Variants in CENPW observed in about 807,000 individuals in gnomAD.
CENPW encodes the protein centromere protein W.
A neutral mutation model predicts 11.1 loss-of-function variants in CENPW; 3 were observed. The observed-to-expected ratio is 0.27, with a 90% CI of 0.12 to 0.70. The LOEUF (loss-of-function observed/expected upper bound fraction) is 0.70. CENPW is among the 30% of genes least tolerant of loss of function. CENPW has a pLI of 0.77. For synonymous variants in CENPW, 38 were observed against 42.0 expected (o/e 0.91, Z 0.37); for missense variants, 100 against 105.6 (o/e 0.95, Z 0.23).
downstream of CENPW, among the ~76,000 whole-genome samples, chr6:126,352,087 G>GAACAACT (rs1418724076): frequency 6.6e-6 from 1 of 152,088 alleles, no homozygotes; most frequent in Admixed American, 6.6e-5. Context: ...TTGCCATCCA[G>GAACAACT]GGGCCATGCT....
At chr6:126,462,566 T>C in the CENPW span, among the ~76,000 whole-genome samples, 1 of 149,552 alleles carries the variant, frequency 6.7e-6, no homozygotes, top group Non-Finnish European at 1.5e-5. Flanking sequence ...ACACGCATCT[T>C]CTCTTACTCT....
the CENPW span, among the ~76,000 whole-genome samples, chr6:126,467,549 G>A: frequency 6.6e-6 from 1 of 152,122 alleles, no homozygotes; most frequent in East Asian, 1.9e-4. Context: ...GCCAAAGCTG[G>A]AACAATTTGC....
chr6:126,461,281 G>A, the CENPW span, among the ~76,000 whole-genome samples: 83 of 151,950 alleles, frequency 5.5e-4, no homozygotes, highest in African/African-American at 1.8e-3. Flanking sequence ...CTCTTCTCTT[G>A]TCTGGCCTCC....
the CENPW span, among the ~76,000 whole-genome samples, chr6:126,423,924 C>A: frequency 6.6e-6 from 1 of 151,406 alleles, no homozygotes; most frequent in Non-Finnish European, 1.5e-5. Context: ...ATGTGCCATG[C>A]TGGTGTGCTG....
the CENPW span, among the ~76,000 whole-genome samples, chr6:126,368,749 A>G: frequency 6.6e-6 from 1 of 151,346 alleles, no homozygotes; most frequent in South Asian, 2.1e-4. Context: ...GGTTCACGCC[A>G]TTCTCCTTCC....
At chr6:126,369,956 G>A in the CENPW span, among the ~76,000 whole-genome samples, 4 of 152,088 alleles carry the variant, frequency 2.6e-5, no homozygotes, top group South Asian at 2.1e-4. Flanking sequence ...TTTGTATAAC[G>A]TGAGAGATGA....
chr6:126,467,878 A>C, the CENPW span, among the ~76,000 whole-genome samples: 1 of 152,198 alleles, frequency 6.6e-6, no homozygotes, highest in Non-Finnish European at 1.5e-5. Flanking sequence ...GTATGTTGAT[A>C]ATACAGACCC....
chr6:126,349,324 A>G (rs1254120434), downstream of CENPW, among the ~76,000 whole-genome samples: 2 of 152,166 alleles, frequency 1.3e-5, no homozygotes, highest in Admixed American at 6.6e-5. Flanking sequence ...GGTACAGTGT[A>G]CATGTAGTTC....
At chr6:126,403,157 C>A in the CENPW span, among the ~76,000 whole-genome samples, 1 of 152,046 alleles carries the variant, frequency 6.6e-6, no homozygotes, top group African/African-American at 2.4e-5. Context: ...AAGTGTTTCC[C>A]TATTTCTTTC....
the CENPW span, among the ~76,000 whole-genome samples, chr6:126,474,749 C>T: frequency 6.6e-6 from 1 of 152,168 alleles, no homozygotes; most frequent in Admixed American, 6.6e-5. Context: ...GTTTTACACT[C>T]AACTCACCTG....
the CENPW span, among the ~76,000 whole-genome samples, chr6:126,479,683 C>T: frequency 3.3e-5 from 5 of 151,896 alleles, no homozygotes; most frequent in African/African-American, 4.8e-5. Flanking sequence ...AGCAAGGAAG[C>T]GTTTACATTT....
the CENPW span, among the ~76,000 whole-genome samples, chr6:126,354,775 T>C: frequency 6.6e-6 from 1 of 152,158 alleles, no homozygotes; most frequent in Non-Finnish European, 1.5e-5. Flanking sequence ...GCTCTTCAAT[T>C]AAATGGTTTC....
At chr6:126,390,677 A>G in the CENPW span, among the ~76,000 whole-genome samples, 1 of 151,804 alleles carries the variant, frequency 6.6e-6, no homozygotes, top group Non-Finnish European at 1.5e-5. Flanking sequence ...CCATGAGTTT[A>G]CTTGTTTAAA....
the CENPW span, among the ~76,000 whole-genome samples, chr6:126,439,129 A>T: frequency 1.3e-5 from 2 of 151,690 alleles, no homozygotes; most frequent in Non-Finnish European, 3.0e-5. Context: ...GAACAATCTG[A>T]TACTGGCAGT....
the CENPW span, among the ~76,000 whole-genome samples, chr6:126,376,408 T>C: frequency 6.6e-6 from 1 of 152,142 alleles, no homozygotes; most frequent in South Asian, 2.1e-4. Flanking sequence ...GGATTCCAAC[T>C]CTCTCTAGTC....
chr6:126,454,833 A>G, the CENPW span, among the ~76,000 whole-genome samples: 1 of 150,842 alleles, frequency 6.6e-6, no homozygotes, highest in Admixed American at 6.6e-5. Flanking sequence ...CTAGCTAGAC[A>G]AATAAAAAAA....
chr6:126,355,370 C>T, the CENPW span, among the ~76,000 whole-genome samples: 5 of 152,228 alleles, frequency 3.3e-5, no homozygotes, highest in African/African-American at 1.2e-4. Context: ...TACCTATCAA[C>T]ATCTCAGAAA....
the CENPW span, among the ~76,000 whole-genome samples, chr6:126,435,962 G>A: frequency 6.6e-6 from 1 of 151,596 alleles, no homozygotes; most frequent in Non-Finnish European, 1.5e-5. Flanking sequence ...ATGCTGTTAT[G>A]CTTTCATTAA....
chr6:126,472,082 CT>C, the CENPW span, among the ~76,000 whole-genome samples: 1 of 152,088 alleles, frequency 6.6e-6, no homozygotes, highest in African/African-American at 2.4e-5. Flanking sequence ...TATCATAAAG[CT>C]TCAATAATTA....
Sources: gnomAD v4.1 joint callset for allele counts (sites outside exome capture counted in the v4.1 genomes callset) on GRCh38, gnomAD v4.1.1 for gene constraint, MANE v1.5 for transcripts, NCBI Gene and HGNC (gene_info 2026-07-23, HGNC 2026-07-21) for gene names.